The following ZNF536 variants were observed in gnomAD, a reference collection of about 807,000 sequenced individuals.
ZNF536 encodes the protein zinc finger protein 536.
ZNF536 carries 13 observed loss-of-function variants against 84.5 expected under a neutral mutation model. The observed-to-expected ratio is 0.15, with a 90% confidence interval of 0.10 to 0.24. The LOEUF (loss-of-function observed/expected upper bound fraction) is 0.24. Ranked by LOEUF, ZNF536 falls within the 10% of genes least tolerant of loss-of-function variation. The pLI is 1.00. For synonymous variants in ZNF536, 811 were observed against 742.5 expected (o/e 1.09, Z -1.50); for missense variants, 1,536 against 1,747.5 (o/e 0.88, Z 2.16).
intron 1 of ZNF536, among the ~76,000 whole-genome samples, chr19:30,603,352 T>C (rs2047759657): frequency 6.6e-6 from 1 of 152,192 alleles, no homozygotes; most frequent in African/African-American, 2.4e-5. Flanking sequence ...ATAAGGATTA[T>C]CAAAACTTCT....
chr19:30,233,585 C>T (rs557460005), intron 1 of ZNF536, among the ~76,000 whole-genome samples: 1 of 152,052 alleles, frequency 6.6e-6, no homozygotes, highest in Admixed American at 6.5e-5. Context: ...TGGCCTCAGG[C>T]AGTCCTCCCA....
intron 1 of ZNF536, among the ~76,000 whole-genome samples, chr19:30,578,787 C>T (rs560909796): frequency 6.6e-6 from 1 of 152,226 alleles, no homozygotes; most frequent in Admixed American, 6.5e-5. Context: ...CTCCACTTAC[C>T]AGGCCATAGG....
intron 1 of ZNF536, among the ~76,000 whole-genome samples, chr19:30,657,293 T>G (rs1276741429): frequency 2.6e-5 from 4 of 152,184 alleles, no homozygotes; most frequent in Non-Finnish European, 5.9e-5. Context: ...GTATTCTCTG[T>G]GTAATGACTA....
intron 1 of ZNF536, among the ~76,000 whole-genome samples, chr19:30,589,681 C>T (rs76541174): frequency 0.019 from 2,887 of 152,222 alleles, 78 homozygotes; most frequent in African/African-American, 0.066. Flanking sequence ...GTGAGCAGCA[C>T]TGGGGGACAA....
downstream of ZNF536, among the ~76,000 whole-genome samples, chr19:30,559,960 C>G (rs1416925582): frequency 6.6e-6 from 1 of 152,090 alleles, no homozygotes; most frequent in Admixed American, 6.5e-5. Flanking sequence ...TTCTCATTCT[C>G]CTGCTTTTAT....
intron 1 of ZNF536, among the ~76,000 whole-genome samples, chr19:30,402,385 TG>T (rs1291183046): frequency 3.3e-5 from 5 of 152,170 alleles, no homozygotes; most frequent in Admixed American, 1.3e-4. Flanking sequence ...TGGGTTATTT[TG>T]GGTTATACTG....
intron 2 of ZNF536, among the ~76,000 whole-genome samples, chr19:30,310,084 G>T (rs772504726): frequency 5.3e-5 from 8 of 152,166 alleles, no homozygotes; most frequent in Non-Finnish European, 8.8e-5. Flanking sequence ...CCAGGGCCTT[G>T]CTAGATGGTT....
intron 1 of ZNF536, among the ~76,000 whole-genome samples, chr19:30,264,397 G>C (rs1172934066): frequency 3.9e-5 from 1 of 25,840 alleles, no homozygotes; most frequent in Non-Finnish European, 5.7e-5. Flanking sequence ...TTGTGCCTCT[G>C]TGTGTGTGTG....
In ZNF536 at chr19:30,383,772, TTTTC is replaced by T. The variant is rs1414180619; in HGVS notation, c.-3+11232_-3+11235del. 1.4e-3 allele frequency among the ~76,000 whole-genome samples: 90 copies of T among 62,452 alleles called. 2 individuals carry two copies. Among genetic ancestry groups the T allele is most frequent in the East Asian group, 0.013 (38 of 2,898 alleles). The allele number at this position is 62,452 out of a possible 152,430, so 41.0% of individuals were successfully genotyped here. Reference sequence around the variant, plus strand: ...TTCTTTCTTTCTCTTTCTTTCTTTCTTTTCTTTCTTTCTTTCTTTTCTTTCTTTT... The same window carrying T: ...TTCTTTCTTTCTCTTTCTTTCTTTCTTTTCTTTCTTTCTTTTCTTTCTTTT... On this transcript the variant is annotated intron_variant, in intron 1 of 4. Coordinates refer to ENST00000355537, the MANE Select transcript of ZNF536 (RefSeq NM_014717.3).
chr19:30,684,337 A>G (rs1273222955), intron 1 of ZNF536, among the ~76,000 whole-genome samples: 6 of 152,040 alleles, frequency 3.9e-5, no homozygotes, highest in Non-Finnish European at 7.4e-5. Flanking sequence ...GGGTTTCACT[A>G]TGTTGCCCAG....
intron 1 of ZNF536, among the ~76,000 whole-genome samples, chr19:30,692,740 G>T (rs2051463787): frequency 6.6e-6 from 1 of 152,156 alleles, no homozygotes; most frequent in Non-Finnish European, 1.5e-5. Flanking sequence ...AGATTTAAAG[G>T]GGAGAGGGTT....
intron 2 of ZNF536, among the ~76,000 whole-genome samples, chr19:30,486,658 G>A (rs982470539): frequency 1.3e-5 from 2 of 152,074 alleles, no homozygotes; most frequent in East Asian, 3.9e-4. Flanking sequence ...CTGGTTCTAG[G>A]TCTTTGAGGA....
chr19:30,641,427 T>C (rs1438184950), intron 1 of ZNF536, among the ~76,000 whole-genome samples: 1 of 152,244 alleles, frequency 6.6e-6, no homozygotes, highest in African/African-American at 2.4e-5. Context: ...GCATGTCATA[T>C]ACATGTAATA....
chr19:30,384,230 C>CCCTT (rs1381035473), intron 1 of ZNF536, among the ~76,000 whole-genome samples: 8 of 49,702 alleles, frequency 1.6e-4, no homozygotes, highest in African/African-American at 1.0e-3. Flanking sequence ...CTCCCTCCCT[C>CCCTT]CCTTCCTTCT....
At chr19:30,235,141 G>A (rs1186602661) in intron 1 of ZNF536, among the ~76,000 whole-genome samples, 3 of 152,160 alleles carry the variant, frequency 2.0e-5, no homozygotes, top group African/African-American at 7.2e-5. Flanking sequence ...TACACACCCC[G>A]GGTGCATTAT....
chr19:30,445,817 A>G lies in ZNF536; in HGVS notation c.2170+85A>G, dbSNP rs146233020. On this transcript the variant is annotated intron_variant, in intron 2 of 4. Coordinates refer to ENST00000355537, the MANE Select transcript of ZNF536 (RefSeq NM_014717.3). The surrounding 1 kb of genome is among the most constrained non-coding windows in gnomAD (Gnocchi z 4.5). ...TGGTTCTGCTCCCAGGCCTCCAGTC[A>G]GTTCCAAGGCCAGTGGGTCTTGATT... is the stretch of plus-strand genomic sequence containing the variant. 924 of 1,486,580 alleles carry G rather than the reference A, an allele frequency of 6.2e-4. No homozygotes were observed. Among genetic ancestry groups the G allele is most frequent in the Non-Finnish European group, 7.7e-4 (861 of 1,117,638 alleles). 92.1% of individuals were successfully genotyped at this position (1,486,580 alleles called of 1,614,324 possible).
At position 30,337,958 on chromosome 19, in the gene ZNF536, G is replaced by A. The variant is rs544856871; in HGVS notation, c.-119-14410G>A. ...TGTTGATATGATGATAATGGTGATC[G>A]TGATGGTGATGATTGTGATTATGAT... On this transcript the variant is annotated intron_variant, in intron 2 of 5. Coordinates refer to the ZNF536 transcript ENST00000585628. 3.2e-4 allele frequency among the ~76,000 whole-genome samples: 48 copies of A among 152,008 alleles called. No homozygotes were observed. In the East Asian group the frequency reaches 8.8e-3, roughly 28 times the overall value.
intron 1 of ZNF536, among the ~76,000 whole-genome samples, chr19:30,685,126 T>C (rs1304743013): frequency 1.3e-5 from 2 of 151,820 alleles, no homozygotes; most frequent in Non-Finnish European, 2.9e-5. Flanking sequence ...GGGGGAGGGG[T>C]CTTTATCAAA....
chr19:30,467,325 A>T (rs749309343), intron 2 of ZNF536, among the ~76,000 whole-genome samples: 1 of 152,158 alleles, frequency 6.6e-6, no homozygotes, highest in Non-Finnish European at 1.5e-5. Flanking sequence ...CCATGTATGG[A>T]TTTGAGTACT....
Sources: gnomAD v4.1 joint callset for allele counts (sites outside exome capture counted in the v4.1 genomes callset) on GRCh38, gnomAD v4.1.1 for gene constraint, Gnocchi (gnomAD v3.1) non-coding constraint, MANE v1.5 for transcripts, NCBI Gene and HGNC (gene_info 2026-07-23, HGNC 2026-07-21) for gene names.